FHOD3: variants seen among roughly 807,000 people sequenced by gnomAD.
FHOD3 encodes the protein formin homology 2 domain containing 3, also known as FH1/FH2 domain-containing protein 3.
FHOD3 carries 90 observed loss-of-function variants against 173.0 expected under a neutral mutation model. The observed-to-expected ratio is 0.52, with a 90% CI of 0.44 to 0.62. FHOD3 has a LOEUF of 0.62. Among genes scored for constraint, FHOD3 ranks in the 20% least tolerant of loss-of-function variants. The pLI is 0.00. For missense variants in FHOD3, 1,945 were observed against 2,034.7 expected, an observed-to-expected ratio of 0.96 and a Z score of 0.85; for synonymous variants, 828 against 823.0, an observed-to-expected ratio of 1.01 and a Z score of -0.10.
intron 1 of FHOD3, among the ~76,000 whole-genome samples, chr18:36,348,906 T>C (rs2045989166): frequency 6.6e-6 from 1 of 152,210 alleles, no homozygotes; most frequent in African/African-American, 2.4e-5. Context: ...CTCACCCACC[T>C]GCCATCCAGG....
At chr18:36,731,328 G>T (rs4799883) in intron 20 of FHOD3, among the ~76,000 whole-genome samples, 1 of 152,042 alleles carries the variant, frequency 6.6e-6, no homozygotes, top group Non-Finnish European at 1.5e-5. Context: ...GGCTGTGACC[G>T]CACAGCTGGT....
chr18:36,632,495 GATATTA>G lies in FHOD3; in HGVS notation c.1196+6752_1196+6757del, dbSNP rs144857439. On this transcript the variant is annotated intron_variant, in intron 10 of 28. Transcript: ENST00000590592. The stretch of plus-strand genomic sequence containing the variant: ...ATATAAGTATTCTTTACACATTTTA[GATATTA>G]ATATTTTGACCATTTTTTCTGTCTT... Among the ~76,000 whole-genome samples, 37 of 152,156 alleles carry G rather than the reference GATATTA, an allele frequency of 2.4e-4. No individual in the cohort carries two copies. In the East Asian group the frequency reaches 6.6e-3, roughly 27 times the overall value.
chr18:36,458,278 G>A (rs1232648891), intron 3 of FHOD3, among the ~76,000 whole-genome samples: 3 of 152,180 alleles, frequency 2.0e-5, no homozygotes, highest in Non-Finnish European at 4.4e-5. Flanking sequence ...ATTAGTTTGA[G>A]CAGTAGAGGA....
At chr18:36,476,995 G>T (rs1310444177) in intron 3 of FHOD3, among the ~76,000 whole-genome samples, 2 of 152,206 alleles carry the variant, frequency 1.3e-5, no homozygotes, top group Non-Finnish European at 2.9e-5. Flanking sequence ...ATAAATAAAT[G>T]GGGTGATACA....
chr18:36,471,912 GAC>G (rs1247314537), intron 3 of FHOD3, among the ~76,000 whole-genome samples: 1 of 152,128 alleles, frequency 6.6e-6, no homozygotes, highest in Admixed American at 6.5e-5. Flanking sequence ...TGTGGGCAAT[GAC>G]AAAATACCTG....
At chr18:36,606,055 G>A (rs2032035403) in intron 8 of FHOD3, among the ~76,000 whole-genome samples, 1 of 152,170 alleles carries the variant, frequency 6.6e-6, no homozygotes, top group Non-Finnish European at 1.5e-5. Context: ...GCTGGCTTAG[G>A]GTGTTCAGGG....
intron 3 of FHOD3, among the ~76,000 whole-genome samples, chr18:36,415,851 G>A (rs1016597867): frequency 3.9e-5 from 6 of 152,028 alleles, no homozygotes; most frequent in South Asian, 2.1e-4. Flanking sequence ...TTTCCATGCC[G>A]CAGCAGCCCT....
At chr18:36,467,353 C>T (rs1019388821) in intron 3 of FHOD3, among the ~76,000 whole-genome samples, 5 of 152,182 alleles carry the variant, frequency 3.3e-5, no homozygotes, top group African/African-American at 9.7e-5. Flanking sequence ...CATTTTAAAG[C>T]TAGAAGTGTC....
At chr18:36,513,685 T>C (rs1599458177) in intron 5 of FHOD3, among the ~76,000 whole-genome samples, 1 of 152,116 alleles carries the variant, frequency 6.6e-6, no homozygotes, top group African/African-American at 2.4e-5. Flanking sequence ...TGTGGCGTTT[T>C]CCAGCCAATC....
At chr18:36,483,235 T>C (rs924299883) in intron 3 of FHOD3, among the ~76,000 whole-genome samples, 1 of 152,172 alleles carries the variant, frequency 6.6e-6, no homozygotes, top group African/African-American at 2.4e-5. Context: ...CCAGGTCTTA[T>C]GGTATGTCCT....
intron 6 of FHOD3, among the ~76,000 whole-genome samples, chr18:36,579,812 C>T (rs1292523154): frequency 6.6e-6 from 1 of 151,998 alleles, no homozygotes; most frequent in East Asian, 1.9e-4. Flanking sequence ...ATAAATTACC[C>T]AGTCTCAGGT....
intron 1 of FHOD3, among the ~76,000 whole-genome samples, chr18:36,341,633 A>C (rs909188231): frequency 2.0e-5 from 3 of 152,214 alleles, no homozygotes; most frequent in Non-Finnish European, 4.4e-5. Flanking sequence ...GATTCTGTTC[A>C]ACATTCCAGG....
intron 1 of FHOD3, among the ~76,000 whole-genome samples, chr18:36,354,629 C>T (rs1329117403): frequency 1.3e-5 from 2 of 152,010 alleles, no homozygotes; most frequent in Non-Finnish European, 2.9e-5. Flanking sequence ...TGGCAAAACC[C>T]CATCTCTACT....
chr18:36,487,459 C>T (rs1348376800), intron 3 of FHOD3, among the ~76,000 whole-genome samples: 1 of 152,224 alleles, frequency 6.6e-6, no homozygotes, highest in Non-Finnish European at 1.5e-5. Flanking sequence ...GCTGGTTGTC[C>T]TCCCACTGCA....
At chr18:36,664,564 C>T (rs2037026571) in intron 14 of FHOD3, among the ~76,000 whole-genome samples, 1 of 152,052 alleles carries the variant, frequency 6.6e-6, no homozygotes, top group Non-Finnish European at 1.5e-5. Context: ...TGACTGTGGG[C>T]CCTAGGGAAC....
chr18:36,481,526 A>G (rs943628380), intron 3 of FHOD3, among the ~76,000 whole-genome samples: 1 of 151,724 alleles, frequency 6.6e-6, no homozygotes, highest in Admixed American at 6.6e-5. Flanking sequence ...TCCCCACCCA[A>G]GTTGGTTGCA....
chr18:36,491,290 A>C (rs1193167816), intron 3 of FHOD3, among the ~76,000 whole-genome samples: 3 of 152,074 alleles, frequency 2.0e-5, no homozygotes, highest in Non-Finnish European at 4.4e-5. Context: ...ATTTTACAGA[A>C]AAAAATATTG....
chr18:36,764,694 C>T (rs2043065673), intron 27 of FHOD3, among the ~76,000 whole-genome samples: 2 of 152,124 alleles, frequency 1.3e-5, no homozygotes, highest in Admixed American at 6.5e-5. Context: ...ATGGGGTCAT[C>T]TTTGCTGGCG....
At chr18:36,500,859 G>C (rs2054995583) in intron 3 of FHOD3, among the ~76,000 whole-genome samples, 1 of 152,196 alleles carries the variant, frequency 6.6e-6, no homozygotes, top group Non-Finnish European at 1.5e-5. Flanking sequence ...GGCATCGGGT[G>C]CTAGGAATGC....
Sources: allele counts gnomAD v4.1 joint callset (sites outside exome capture counted in the v4.1 genomes callset), GRCh38; gene constraint gnomAD v4.1.1; transcripts MANE v1.5; gene names NCBI Gene and HGNC (gene_info 2026-07-23, HGNC 2026-07-21).